TRIP4: variants seen among roughly 807,000 people sequenced by gnomAD.
TRIP4 encodes thyroid hormone receptor interactor 4, also known as activating signal cointegrator 1.
Under a neutral mutation model 81.8 loss-of-function variants are expected in TRIP4, and 54 were observed. The ratio of observed to expected loss-of-function variants is 0.66; its 90% CI spans 0.53 to 0.83. The LOEUF (loss-of-function observed/expected upper bound fraction) is 0.83. Ranked by LOEUF, TRIP4 falls within the 40% of genes least tolerant of loss-of-function variation. TRIP4 has a pLI of 0.00. For missense variants in TRIP4, 662 were observed against 683.6 expected (o/e 0.97, Z 0.35); for synonymous variants, 270 against 242.8 (o/e 1.11, Z -1.04).
At chr15:64,401,127 A>G (rs1429677810) in intron 5 of TRIP4, among the ~76,000 whole-genome samples, 1 of 149,902 alleles carries the variant, frequency 6.7e-6, no homozygotes, top group Non-Finnish European at 1.5e-5. Flanking sequence ...ACGCGTAGCT[A>G]ATATTTACTT....
chr15:64,444,819 T>G, intron 11 of TRIP4, 187 bp from the exon 12 acceptor site: 1 of 354,020 alleles, frequency 2.8e-6, no homozygotes, highest in Non-Finnish European at 5.1e-6. Context: ...ATAGACTGTA[T>G]AATGCTGTAC....
At position 64,397,622 on chromosome 15, in the gene TRIP4, A is replaced by C. The variant is rs1375981801; in HGVS notation, c.422A>C (p.Asn141Thr). The change falls in exon 4 of 13, where the codon AAC (asparagine) becomes ACC (threonine). Residue 141 changes from asparagine to threonine, a missense_variant. Transcript: ENST00000261884. ...GTACGATAGGCACAAGAGAACAGCA[A>C]CTCCGTAAAGAAGAAGACAAAGTTT... The part of the protein sequence containing the change: ...FDLAKAQENS[N>T]SVKKKTKFVN... The C allele has an allele frequency of 6.2e-7, 1 of 1,612,230 alleles. No homozygotes were observed. The highest frequency in any genetic ancestry group is 1.3e-5 in the African/African-American group (1 of 74,954).
At chr15:64,415,279 A>G (rs1441090878) in intron 8 of TRIP4, among the ~76,000 whole-genome samples, 1 of 152,166 alleles carries the variant, frequency 6.6e-6, no homozygotes, top group East Asian at 1.9e-4. Flanking sequence ...AACACATACA[A>G]AGGCTCAGCA....
intron 5 of TRIP4, among the ~76,000 whole-genome samples, chr15:64,405,633 A>AT (rs1356992599): frequency 6.6e-6 from 1 of 152,134 alleles, no homozygotes; most frequent in Non-Finnish European, 1.5e-5. Context: ...GAAACTGTTC[A>AT]TTTTTTCTGC....
chr15:64,438,578 C>CA (rs1164087914), intron 11 of TRIP4, among the ~76,000 whole-genome samples: 1 of 152,166 alleles, frequency 6.6e-6, no homozygotes, highest in African/African-American at 2.4e-5. Flanking sequence ...CTCGGCCTCC[C>CA]AAAATTGTCT....
chr15:64,431,888 T>C (rs1241404669), intron 11 of TRIP4, among the ~76,000 whole-genome samples: 2 of 126,266 alleles, frequency 1.6e-5, no homozygotes, highest in Admixed American at 1.6e-4. Flanking sequence ...TTTTTTTTTT[T>C]TTTTTTTTTT....
intron 3 of TRIP4, among the ~76,000 whole-genome samples, chr15:64,397,397 A>G (rs1900325174): frequency 6.6e-6 from 1 of 152,234 alleles, no homozygotes; most frequent in Non-Finnish European, 1.5e-5. Flanking sequence ...AGCAGAAAAG[A>G]CAAGGTAATT....
At chr15:64,416,728 G>A (rs1472479930) in intron 8 of TRIP4, among the ~76,000 whole-genome samples, 2 of 152,042 alleles carry the variant, frequency 1.3e-5, no homozygotes, top group Non-Finnish European at 2.9e-5. Context: ...TAAGTTCCTT[G>A]CAAGCAAGAA....
intron 12 of TRIP4, 106 bp downstream of exon 12, chr15:64,445,214 T>TGAACAATCTATAAC: frequency 8.6e-6 from 5 of 584,108 alleles, no homozygotes; most frequent in Non-Finnish European, 1.5e-5. Context: ...GAACAATCAG[T>TGAACAATCTATAAC]TGAGGTAACC....
chr15:64,399,271 A>G (rs190846891), intron 4 of TRIP4, among the ~76,000 whole-genome samples: 11 of 151,814 alleles, frequency 7.2e-5, no homozygotes, highest in Admixed American at 5.9e-4. Context: ...ATTTTTTCAT[A>G]TGCTCAGAAT....
rs191073108 is a variant in TRIP4, at chr15:64,441,768, G to A, written c.1576-3238G>A. On this transcript the variant is annotated intron_variant, in intron 11 of 12. Coordinates refer to ENST00000261884, the MANE Select transcript of TRIP4 (RefSeq NM_016213.5). ...AGCCTGGGCAACAGAGCGAGACTCC[G>A]TCTCAAAAAATATATATATATAAAT... is the stretch of plus-strand genomic sequence containing the variant. Among the ~76,000 whole-genome samples, 29 of 151,596 alleles carry A rather than the reference G, an allele frequency of 1.9e-4. No homozygotes were observed. In the East Asian group the frequency reaches 5.5e-3, roughly 29 times the overall value.
chr15:64,401,959 C>T (rs770664439), intron 5 of TRIP4, among the ~76,000 whole-genome samples: 12 of 151,942 alleles, frequency 7.9e-5, no homozygotes, highest in Non-Finnish European at 1.6e-4. Context: ...ATATATATGA[C>T]GACTAATTGC....
chr15:64,430,595 A>C (rs1892247430), intron 11 of TRIP4, among the ~76,000 whole-genome samples: 1 of 152,194 alleles, frequency 6.6e-6, no homozygotes, highest in Admixed American at 6.5e-5. Context: ...AAGTTTTCAA[A>C]CAAAAAGTTG....
chr15:64,451,664 A>ATT (rs1221764414), intron 12 of TRIP4, among the ~76,000 whole-genome samples: 1 of 139,018 alleles, frequency 7.2e-6, no homozygotes, highest in Non-Finnish European at 1.6e-5. Flanking sequence ...ATTTTTATTA[A>ATT]TTTTTTTTTT....
intron 12 of TRIP4, among the ~76,000 whole-genome samples, chr15:64,446,400 T>A (rs1892632716): frequency 6.6e-6 from 1 of 151,824 alleles, no homozygotes; most frequent in Admixed American, 6.6e-5. Context: ...TTCATTCCTT[T>A]TTAACATTTT....
intron 8 of TRIP4, 120 bp downstream of exon 8, chr15:64,414,331 A>G: frequency 7.5e-7 from 1 of 1,339,568 alleles, no homozygotes; most frequent in Non-Finnish European, 1.0e-6. Context: ...ACCTGTACCA[A>G]TCAGCTCTCT....
At chr15:64,400,464 G>A (rs1005467394) in intron 4 of TRIP4, among the ~76,000 whole-genome samples, 21 of 125,074 alleles carry the variant, frequency 1.7e-4, no homozygotes, top group African/African-American at 5.1e-4. Context: ...ATAAGCCACT[G>A]TGCCCAGCCT....
chr15:64,450,563 A>G (rs149266128), intron 12 of TRIP4: 7 of 414,758 alleles, frequency 1.7e-5, no homozygotes, highest in Admixed American at 1.5e-4. Flanking sequence ...CTGGCCCAAG[A>G]GTTGCCTCTA....
intron 4 of TRIP4, among the ~76,000 whole-genome samples, chr15:64,398,939 C>CTT (rs71133424): frequency 2.3e-4 from 18 of 79,234 alleles, no homozygotes; most frequent in African/African-American, 7.7e-4. Context: ...TTCTTTTTTC[C>CTT]TTTTTTTTTT....
Sources: gnomAD v4.1 joint callset for allele counts (sites outside exome capture counted in the v4.1 genomes callset) on GRCh38, gnomAD v4.1.1 for gene constraint, MANE v1.5 for transcripts, NCBI Gene and HGNC (gene_info 2026-07-23, HGNC 2026-07-21) for gene names.